CDH13: variants seen among roughly 807,000 people sequenced by gnomAD.
CDH13 encodes cadherin 13.
CDH13 carries 24 observed loss-of-function variants against 63.8 expected under a neutral mutation model. That is an observed-to-expected ratio of 0.38 (90% confidence interval 0.27 to 0.53). The LOEUF (loss-of-function observed/expected upper bound fraction) is 0.53. CDH13 is among the 20% of genes least tolerant of loss of function. The probability of loss-of-function intolerance (pLI) is 0.85; values close to 1 mark genes in which losing one functional copy is unlikely to be tolerated. For synonymous variants in CDH13, 503 were observed against 355.3 expected (o/e 1.42, Z -4.67); for missense variants, 1,049 against 903.1 (o/e 1.16, Z -2.07).
chr16:83,705,568 G>A (rs1367693470), intron 10 of CDH13, among the ~76,000 whole-genome samples: 1 of 152,178 alleles, frequency 6.6e-6, no homozygotes, highest in Non-Finnish European at 1.5e-5. Flanking sequence ...CTTGCAGTGA[G>A]CCGAGATCAC....
At chr16:83,072,451 A>T (rs1180969707) in intron 3 of CDH13, among the ~76,000 whole-genome samples, 1 of 152,140 alleles carries the variant, frequency 6.6e-6, no homozygotes, top group Non-Finnish European at 1.5e-5. Flanking sequence ...CTAACTCACC[A>T]TTGGGTACCT....
chr16:82,703,104 G>A lies in CDH13; in HGVS notation c.45+75967G>A, dbSNP rs138012624. On this transcript the variant is annotated intron_variant, in intron 1 of 13. Transcript: ENST00000567109. ...CATTGCTTATACTTTTTTTTGTTTT[G>A]TTCCACTTATATAAACCACTTATAT... 1.5e-3 allele frequency among the ~76,000 whole-genome samples: 229 copies of A among 151,358 alleles called. 1 individual carries two copies. Among genetic ancestry groups the A allele is most frequent in the Non-Finnish European group, 2.4e-3 (162 of 67,794 alleles).
intron 4 of CDH13, among the ~76,000 whole-genome samples, chr16:83,192,627 G>A (rs774089467): frequency 1.6e-4 from 24 of 152,250 alleles, no homozygotes; most frequent in Non-Finnish European, 2.6e-4. Context: ...AGTAGATTTG[G>A]CTTCTCTGTG....
At chr16:82,901,322 TC>T (rs2041458597) in intron 2 of CDH13, among the ~76,000 whole-genome samples, 1 of 118,838 alleles carries the variant, frequency 8.4e-6, no homozygotes, top group East Asian at 3.6e-4. Context: ...GATAGTATTC[TC>T]CTGTGTGTGT....
At chr16:83,529,413 A>G (rs769620686) in intron 7 of CDH13, among the ~76,000 whole-genome samples, 4 of 152,186 alleles carry the variant, frequency 2.6e-5, no homozygotes, top group Non-Finnish European at 4.4e-5. Flanking sequence ...TGTTTTTTGT[A>G]GGTACAAAAA....
At chr16:83,243,847 C>T (rs1400161938) in intron 5 of CDH13, among the ~76,000 whole-genome samples, 4 of 152,130 alleles carry the variant, frequency 2.6e-5, no homozygotes, top group Non-Finnish European at 5.9e-5. Context: ...GAATGGGCAA[C>T]CTATTGAACA....
At chr16:83,663,628 A>T (rs1027196342) in intron 8 of CDH13, among the ~76,000 whole-genome samples, 3 of 152,172 alleles carry the variant, frequency 2.0e-5, no homozygotes, top group African/African-American at 4.8e-5. Context: ...CAGAGACATG[A>T]CTCCGACTCT....
chr16:82,974,440 G>C (rs917536139), intron 2 of CDH13, among the ~76,000 whole-genome samples: 5 of 152,210 alleles, frequency 3.3e-5, no homozygotes, highest in African/African-American at 1.2e-4. Flanking sequence ...GGTGTAAAAG[G>C]TTCCTTGGCT....
At chr16:82,988,966 G>A (rs1169831622) in intron 2 of CDH13, among the ~76,000 whole-genome samples, 1 of 152,076 alleles carries the variant, frequency 6.6e-6, no homozygotes, top group African/African-American at 2.4e-5. Context: ...TATATCTCCA[G>A]TGCCAAAGAC....
intron 3 of CDH13, among the ~76,000 whole-genome samples, chr16:83,116,452 C>T (rs561925299): frequency 1.3e-5 from 2 of 152,196 alleles, no homozygotes; most frequent in Non-Finnish European, 2.9e-5. Flanking sequence ...GGGGGCTGAC[C>T]TTGACACACT....
At chr16:83,422,138 T>C (rs545226750) in intron 6 of CDH13, among the ~76,000 whole-genome samples, 1 of 152,354 alleles carries the variant, frequency 6.6e-6, no homozygotes, top group African/African-American at 2.4e-5. Flanking sequence ...AATTTGTTTA[T>C]CATTTGAAGG....
At chr16:83,056,807 G>A (rs1001287957) in intron 3 of CDH13, among the ~76,000 whole-genome samples, 46 of 151,798 alleles carry the variant, frequency 3.0e-4, no homozygotes, top group African/African-American at 1.1e-3. Context: ...TAAGTCTCAC[G>A]AGATTTGATG....
intron 5 of CDH13, among the ~76,000 whole-genome samples, chr16:83,242,967 T>A (rs1904613230): frequency 6.6e-6 from 1 of 152,206 alleles, no homozygotes; most frequent in Non-Finnish European, 1.5e-5. Context: ...TTACTCTTTA[T>A]AAGAACTCGG....
intron 1 of CDH13, among the ~76,000 whole-genome samples, chr16:82,766,791 TATATA>T (rs2035071948): frequency 1.3e-5 from 2 of 152,362 alleles, no homozygotes; most frequent in East Asian, 3.9e-4. Flanking sequence ...GTCCTTTGAC[TATATA>T]ATATAAAATA....
chr16:83,032,601 T>G (rs1916468491), intron 3 of CDH13, among the ~76,000 whole-genome samples: 1 of 152,076 alleles, frequency 6.6e-6, no homozygotes, highest in African/African-American at 2.4e-5. Flanking sequence ...CTACCCTCTT[T>G]CTGCTGGTCT....
At chr16:83,600,084 G>A (rs756519670) in intron 7 of CDH13, among the ~76,000 whole-genome samples, 9 of 152,218 alleles carry the variant, frequency 5.9e-5, no homozygotes, top group South Asian at 2.1e-4. Context: ...CATCTATACC[G>A]AGAGATGCCA....
chr16:82,770,260 G>A (rs1045894735), intron 1 of CDH13, among the ~76,000 whole-genome samples: 15 of 152,228 alleles, frequency 9.9e-5, no homozygotes, highest in African/African-American at 2.2e-4. Context: ...GTGTGAGTGT[G>A]TGTTTTTGTG....
chr16:83,410,585 C>G (rs1336746316), intron 6 of CDH13, among the ~76,000 whole-genome samples: 1 of 152,098 alleles, frequency 6.6e-6, no homozygotes, highest in Non-Finnish European at 1.5e-5. Context: ...CTTTTGTAAG[C>G]TCTGGTCATG....
At chr16:83,076,796 A>C (rs1173274470) in intron 3 of CDH13, among the ~76,000 whole-genome samples, 1 of 152,178 alleles carries the variant, frequency 6.6e-6, no homozygotes, top group Non-Finnish European at 1.5e-5. Context: ...TCTTCTTCAG[A>C]GGAAAATTTA....
Sources: gnomAD v4.1 joint callset for allele counts (sites outside exome capture counted in the v4.1 genomes callset) on GRCh38, gnomAD v4.1.1 for gene constraint, MANE v1.5 for transcripts, NCBI Gene and HGNC (gene_info 2026-07-23, HGNC 2026-07-21) for gene names.